Variants in NEGR1 observed in about 807,000 individuals in gnomAD.
NEGR1 encodes the protein neuronal growth regulator 1.
NEGR1 carries 10 observed loss-of-function variants against 40.9 expected under a neutral mutation model. That is an observed-to-expected ratio of 0.24 (90% confidence interval 0.15 to 0.42). NEGR1 has a LOEUF of 0.42. NEGR1 is among the 10% of genes least tolerant of loss of function. NEGR1 has a pLI of 1.00. For synonymous variants in NEGR1, 185 were observed against 166.8 expected (o/e 1.11, Z -0.84); for missense variants, 352 against 438.9 (o/e 0.80, Z 1.77).
intron 1 of NEGR1, among the ~76,000 whole-genome samples, chr1:72,225,329 G>GT (rs1375206747): frequency 1.1e-4 from 16 of 151,874 alleles, no homozygotes; most frequent in African/African-American, 3.9e-4. Context: ...ATTAAATGAG[G>GT]TAAGATCATG....
At chr1:72,010,052 A>G (rs1354533735) in intron 1 of NEGR1, among the ~76,000 whole-genome samples, 1 of 152,220 alleles carries the variant, frequency 6.6e-6, no homozygotes, top group East Asian at 1.9e-4. Context: ...AGATTTAAAA[A>G]TAATTTGACT....
chr1:71,773,411 C>T (rs977397247), intron 3 of NEGR1, among the ~76,000 whole-genome samples: 1 of 152,128 alleles, frequency 6.6e-6, no homozygotes, highest in Non-Finnish European at 1.5e-5. Flanking sequence ...TTTTGGGACA[C>T]ATTTTCTTTC....
chr1:71,466,308 G>A (rs192210107), intron 6 of NEGR1, among the ~76,000 whole-genome samples: 1 of 152,126 alleles, frequency 6.6e-6, no homozygotes, highest in East Asian at 1.9e-4. Context: ...AATGTGTTTA[G>A]TATATTTCAT....
intron 2 of NEGR1, among the ~76,000 whole-genome samples, chr1:71,788,140 C>T (rs1397005663): frequency 1.3e-5 from 2 of 152,012 alleles, no homozygotes; most frequent in East Asian, 3.9e-4. Context: ...ACCTTATCTA[C>T]TTTTCTCAAA....
At chr1:71,551,048 G>A (rs565120635) in intron 6 of NEGR1, among the ~76,000 whole-genome samples, 3 of 151,538 alleles carry the variant, frequency 2.0e-5, no homozygotes, top group Admixed American at 1.3e-4. Flanking sequence ...CTCTTAAGAA[G>A]AATTTCTATG....
At chr1:72,022,553 A>G (rs892078102) in intron 1 of NEGR1, among the ~76,000 whole-genome samples, 2 of 150,042 alleles carry the variant, frequency 1.3e-5, no homozygotes, top group African/African-American at 4.9e-5. Context: ...AAACACACAC[A>G]TATATATATA....
rs1038695292 is a variant in NEGR1, at chr1:71,588,740, C to T, written c.940+4077G>A. Among the ~76,000 whole-genome samples the T allele has an allele frequency of 5.3e-5, 8 of 152,174 alleles. No individual in the cohort carries two copies. The South Asian group carries it at 1.0e-3, about 20-fold the overall frequency. On this transcript the variant is annotated intron_variant, in intron 6 of 6. Coordinates refer to ENST00000357731, the MANE Select transcript of NEGR1 (RefSeq NM_173808.3). Reference sequence around the variant, plus strand: ...AATCAAAACTTTTGCTTATTTCCCTCGCACCCAAAGAAGATTTGAGAAAGA... The same window carrying T: ...AATCAAAACTTTTGCTTATTTCCCTTGCACCCAAAGAAGATTTGAGAAAGA...
chr1:71,944,110 A>C (rs1645996720), intron 1 of NEGR1, among the ~76,000 whole-genome samples: 1 of 152,186 alleles, frequency 6.6e-6, no homozygotes, highest in Non-Finnish European at 1.5e-5. Flanking sequence ...TGAATGTGAG[A>C]TATTGGGATC....
chr1:72,098,335 C>T (rs1318484296), intron 1 of NEGR1, among the ~76,000 whole-genome samples: 1 of 152,066 alleles, frequency 6.6e-6, no homozygotes, highest in Non-Finnish European at 1.5e-5. Flanking sequence ...CTGTAGGAAA[C>T]AATACTGGAA....
At chr1:72,189,615 T>G (rs942110821) in intron 1 of NEGR1, among the ~76,000 whole-genome samples, 1 of 151,540 alleles carries the variant, frequency 6.6e-6, no homozygotes, top group Non-Finnish European at 1.5e-5. Context: ...GAGTCCAAAG[T>G]AGGCCCTTAG....
At chr1:72,012,834 TATAC>T (rs1166289684) in intron 1 of NEGR1, among the ~76,000 whole-genome samples, 2 of 135,008 alleles carry the variant, frequency 1.5e-5, no homozygotes, top group Non-Finnish European at 1.6e-5. Context: ...CACACACATA[TATAC>T]ATACATATAT....
chr1:71,726,569 G>A (rs1276907655), intron 3 of NEGR1, among the ~76,000 whole-genome samples: 1 of 152,044 alleles, frequency 6.6e-6, no homozygotes, highest in East Asian at 1.9e-4. Context: ...CTATCAAGAA[G>A]GTTCTCTCTA....
chr1:71,545,166 G>C (rs759020790), intron 6 of NEGR1, among the ~76,000 whole-genome samples: 2 of 151,734 alleles, frequency 1.3e-5, no homozygotes, highest in East Asian at 3.9e-4. Flanking sequence ...ATCTAGTAGT[G>C]GGGGAGTGGT....
chr1:71,744,607 A>G (rs995821397), intron 3 of NEGR1, among the ~76,000 whole-genome samples: 6 of 152,034 alleles, frequency 3.9e-5, no homozygotes, highest in Non-Finnish European at 8.8e-5. Flanking sequence ...ATTTTCTGAT[A>G]GGCCCAGTAA....
chr1:72,239,183 G>A (rs546140483), intron 1 of NEGR1, among the ~76,000 whole-genome samples: 1 of 151,932 alleles, frequency 6.6e-6, no homozygotes, highest in East Asian at 1.9e-4. Flanking sequence ...TTTTGAAACA[G>A]AAACTACAGT....
chr1:72,246,412 C>A (rs1454954501), intron 1 of NEGR1, among the ~76,000 whole-genome samples: 2 of 152,128 alleles, frequency 1.3e-5, no homozygotes, highest in African/African-American at 4.8e-5. Flanking sequence ...TAATTCACTC[C>A]AAATCATGCT....
At chr1:72,266,955 G>A (rs1655667626) in intron 1 of NEGR1, among the ~76,000 whole-genome samples, 1 of 150,956 alleles carries the variant, frequency 6.6e-6, no homozygotes, top group South Asian at 2.1e-4. Context: ...ATACCGGAGG[G>A]TAAAGAAGTA....
At chr1:72,149,401 T>A (rs1207557732) in intron 1 of NEGR1, among the ~76,000 whole-genome samples, 1 of 152,122 alleles carries the variant, frequency 6.6e-6, no homozygotes, top group East Asian at 1.9e-4. Flanking sequence ...ATAAAAAGAA[T>A]CTGCATTGAG....
rs1646240595 is a variant in NEGR1, at chr1:71,400,628, T to G, written c.*6818A>C. ...AAAAGGAGTAATTAAAAAACATAGA[T>G]TATTAGATAGATAGGTTACTTGGGT... is the stretch of plus-strand genomic sequence containing the variant. On this transcript the variant is annotated 3_prime_UTR_variant, in exon 7 of 7. Transcript: ENST00000357731. 1 of 151,988 alleles carries G rather than the reference T, an allele frequency of 6.6e-6. No individual in the cohort carries two copies. Among genetic ancestry groups the G allele is most frequent in the African/African-American group, 2.4e-5 (1 of 41,390 alleles). 9.4% of individuals were successfully genotyped at this position (151,988 alleles called of 1,614,324 possible). A position where few individuals can be genotyped will look rare whatever the true frequency, so the allele number is the denominator to read the frequency against.
Sources: allele counts gnomAD v4.1 joint callset (sites outside exome capture counted in the v4.1 genomes callset), GRCh38; gene constraint gnomAD v4.1.1; transcripts MANE v1.5; gene names NCBI Gene and HGNC (gene_info 2026-07-23, HGNC 2026-07-21).